GNAL: variants seen among roughly 807,000 people sequenced by gnomAD.
GNAL encodes guanine nucleotide-binding protein G(olf) subunit alpha.
A neutral mutation model predicts 55.1 loss-of-function variants in GNAL; 18 were observed. The ratio of observed to expected loss-of-function variants is 0.33; its 90% CI spans 0.23 to 0.48. The LOEUF is 0.48. Among genes scored for constraint, GNAL ranks in the 20% least tolerant of loss-of-function variants. The pLI is 0.99. For missense variants in GNAL, 412 were observed against 614.1 expected (o/e 0.67, Z 3.48); for synonymous variants, 253 against 237.0 (o/e 1.07, Z -0.62).
chr18:11,726,437 G>A (rs1004405193), intron 1 of GNAL, among the ~76,000 whole-genome samples: 10 of 152,214 alleles, frequency 6.6e-5, no homozygotes, highest in Non-Finnish European at 1.3e-4. Flanking sequence ...GCAAATCTCT[G>A]TGCTGTGAAC....
chr18:11,842,800 G>A (rs1325617427), intron 5 of GNAL, among the ~76,000 whole-genome samples: 1 of 152,094 alleles, frequency 6.6e-6, no homozygotes, highest in Non-Finnish European at 1.5e-5. Flanking sequence ...ATGAGAATGT[G>A]GCCTAGGGTT....
chr18:11,814,515 A>C (rs1055904997), intron 4 of GNAL, among the ~76,000 whole-genome samples: 2 of 151,918 alleles, frequency 1.3e-5, no homozygotes, highest in South Asian at 4.2e-4. Context: ...GCGACAGAGC[A>C]AGACTCTGTC....
intron 4 of GNAL, among the ~76,000 whole-genome samples, chr18:11,820,261 A>G (rs533879669): frequency 9.0e-4 from 137 of 152,306 alleles, no homozygotes; most frequent in African/African-American, 3.2e-3. Context: ...CCTTCAGCTC[A>G]AAATAATCAA....
At chr18:11,826,798 A>G (rs1489609203) in intron 5 of GNAL, among the ~76,000 whole-genome samples, 1 of 152,204 alleles carries the variant, frequency 6.6e-6, no homozygotes, top group African/African-American at 2.4e-5. Flanking sequence ...ATGGAGAGCC[A>G]TGTGGAGGCA....
chr18:11,712,047 C>CTCT (rs1248648336), intron 1 of GNAL, among the ~76,000 whole-genome samples: 1 of 152,180 alleles, frequency 6.6e-6, no homozygotes, highest in Non-Finnish European at 1.5e-5. Context: ...GGGTGCCCCA[C>CTCT]TCTTCTCCCT....
intron 1 of GNAL, among the ~76,000 whole-genome samples, chr18:11,699,654 G>A (rs1426398471): frequency 3.3e-5 from 5 of 151,938 alleles, no homozygotes; most frequent in South Asian, 2.1e-4. Flanking sequence ...AGTGTGTTTC[G>A]GGGTCAAGTG....
intron 1 of GNAL, among the ~76,000 whole-genome samples, chr18:11,692,915 G>A (rs1363780855): frequency 2.6e-5 from 4 of 152,126 alleles, no homozygotes; most frequent in African/African-American, 9.7e-5. Context: ...CTAAAGTGCT[G>A]GGATTACAGG....
intron 1 of GNAL, among the ~76,000 whole-genome samples, chr18:11,748,936 C>A (rs189556437): frequency 5.9e-4 from 90 of 152,070 alleles, no homozygotes; most frequent in African/African-American, 1.5e-3. Context: ...ACCAGTCTGG[C>A]CAACATGGTG....
chr18:11,734,705 G>A (rs1419013929), intron 1 of GNAL, among the ~76,000 whole-genome samples: 1 of 151,386 alleles, frequency 6.6e-6, no homozygotes, highest in Non-Finnish European at 1.5e-5. Context: ...ATCCTAAGCA[G>A]GACCACTGCT....
intron 4 of GNAL, among the ~76,000 whole-genome samples, chr18:11,758,269 A>G (rs2033127071): frequency 6.6e-6 from 1 of 152,208 alleles, no homozygotes. Context: ...AGGGCTTGTT[A>G]GCAAAGGCTT....
intron 6 of GNAL, among the ~76,000 whole-genome samples, chr18:11,863,963 ATTCTTGCAGACATGATTTTAAGTC>A (rs2036203988): frequency 6.6e-6 from 1 of 152,138 alleles, no homozygotes; most frequent in Admixed American, 6.5e-5. Flanking sequence ...TGTTAGTAAG[ATTCTTGCAGACATGATTTTAAGTC>A]TTAAAACAAA....
At chr18:11,866,205 T>C (rs1208977824) in intron 7 of GNAL, among the ~76,000 whole-genome samples, 1 of 150,324 alleles carries the variant, frequency 6.7e-6, no homozygotes, top group African/African-American at 2.5e-5. Flanking sequence ...CTCACATCTG[T>C]GATTTTGTTT....
chr18:11,722,879 C>T (rs553490465), intron 1 of GNAL, among the ~76,000 whole-genome samples: 3 of 152,232 alleles, frequency 2.0e-5, no homozygotes, highest in Admixed American at 6.5e-5. Context: ...GGCGTGGTGG[C>T]GCATGCCTAT....
At chr18:11,780,887 A>G (rs892536853) in intron 4 of GNAL, among the ~76,000 whole-genome samples, 4 of 152,220 alleles carry the variant, frequency 2.6e-5, no homozygotes, top group Non-Finnish European at 4.4e-5. Flanking sequence ...TTTGACTTAC[A>G]CATTTCTGAT....
At chr18:11,720,024 A>G (rs1015373490) in intron 1 of GNAL, among the ~76,000 whole-genome samples, 4 of 152,170 alleles carry the variant, frequency 2.6e-5, no homozygotes, top group African/African-American at 9.7e-5. Context: ...ATCCCCAGGG[A>G]TTTTGATAAA....
intron 4 of GNAL, among the ~76,000 whole-genome samples, chr18:11,822,728 T>G (rs1598407527): frequency 6.6e-6 from 1 of 152,002 alleles, no homozygotes; most frequent in Non-Finnish European, 1.5e-5. Flanking sequence ...GCTGGTTGGG[T>G]AGTAGGGTGA....
chr18:11,832,899 A>G (rs917646864), intron 5 of GNAL, among the ~76,000 whole-genome samples: 4 of 152,118 alleles, frequency 2.6e-5, no homozygotes, highest in African/African-American at 9.7e-5. Flanking sequence ...TTAAAAAATG[A>G]GATGAAAGGA....
chr18:11,797,175 A>AC (rs969750551), intron 4 of GNAL, among the ~76,000 whole-genome samples: 4 of 151,578 alleles, frequency 2.6e-5, no homozygotes, highest in East Asian at 1.9e-4. Context: ...CAGGTGATCC[A>AC]CCCCCCTTGG....
chr18:11,742,575 G>T (rs143244473), intron 1 of GNAL, among the ~76,000 whole-genome samples: 2 of 152,228 alleles, frequency 1.3e-5, no homozygotes, highest in African/African-American at 4.8e-5. Context: ...CCAAGAACAC[G>T]CATTCTGGGG....
Sources: allele counts gnomAD v4.1 joint callset (sites outside exome capture counted in the v4.1 genomes callset), GRCh38; gene constraint gnomAD v4.1.1; transcripts MANE v1.5; gene names NCBI Gene and HGNC (gene_info 2026-07-23, HGNC 2026-07-21).